Variants in SNRPN observed in about 807,000 individuals in gnomAD.
SNRPN encodes the protein small nuclear ribonucleoprotein polypeptide N.
A neutral mutation model predicts 25.2 loss-of-function variants in SNRPN; 7 were observed. The ratio of observed to expected loss-of-function variants is 0.28; its 90% CI spans 0.16 to 0.52. The LOEUF (loss-of-function observed/expected upper bound fraction) is 0.52. Ranked by LOEUF, SNRPN falls within the 20% of genes least tolerant of loss-of-function variation. The probability of loss-of-function intolerance (pLI) is 0.96; values close to 1 mark genes in which losing one functional copy is unlikely to be tolerated. For missense variants in SNRPN, 196 were observed against 322.5 expected, an observed-to-expected ratio of 0.61 and a Z score of 3.00; for synonymous variants, 124 against 110.6, an observed-to-expected ratio of 1.12 and a Z score of -0.76.
chr15:24,867,520 G>T lies in SNRPN; in HGVS notation c.-579+10804G>T, dbSNP rs370522411. On this transcript the variant is annotated intron_variant, in intron 1 of 11. Coordinates refer to the SNRPN transcript ENST00000400097. ...CTCCCGAGTAGCTGGGACTACAGGC[G>T]CCCGCCACCACGCTCAGCTAATTTT... 5.7e-4 allele frequency among the ~76,000 whole-genome samples: 87 copies of T among 151,890 alleles called. No individual in the cohort carries two copies. The East Asian group carries it at 0.016, about 29-fold the overall frequency.
intron 1 of SNRPN, among the ~76,000 whole-genome samples, chr15:24,870,322 C>G (rs991060545): frequency 2.6e-5 from 4 of 152,024 alleles, no homozygotes; most frequent in Non-Finnish European, 5.9e-5. Context: ...AGTCAGCTGA[C>G]AAAACAATGA....
intron 2 of SNRPN, among the ~76,000 whole-genome samples, chr15:24,843,804 C>CACAT (rs1188331496): frequency 6.6e-6 from 1 of 150,620 alleles, no homozygotes; most frequent in Non-Finnish European, 1.5e-5. Flanking sequence ...CACACACACA[C>CACAT]ACACACACAC....
At chr15:24,966,742 T>C (rs1277202235) in intron 2 of SNRPN, among the ~76,000 whole-genome samples, 4 of 152,198 alleles carry the variant, frequency 2.6e-5, no homozygotes, top group African/African-American at 7.2e-5. Flanking sequence ...TTCTTTATTA[T>C]ACAGAAGCAA....
chr15:24,918,420 G>GCA (rs370058987), intron 2 of SNRPN, among the ~76,000 whole-genome samples: 1,694 of 36,614 alleles, frequency 0.046, 110 homozygotes, highest in Middle Eastern at 0.065. Context: ...ATATATATGT[G>GCA]TATATATAAC....
chr15:24,956,716 A>C (rs938045244), intron 1 of SNRPN, among the ~76,000 whole-genome samples: 1 of 152,054 alleles, frequency 6.6e-6, no homozygotes, highest in African/African-American at 2.4e-5. Flanking sequence ...GAGGAGGGAG[A>C]TGGGTTGGCG....
At chr15:24,887,984 G>A (rs931872634) in intron 2 of SNRPN, among the ~76,000 whole-genome samples, 4 of 152,014 alleles carry the variant, frequency 2.6e-5, no homozygotes, top group African/African-American at 9.7e-5. Context: ...TCCTAACAAT[G>A]TAAAAAGTAT....
intron 1 of SNRPN, among the ~76,000 whole-genome samples, chr15:24,879,796 G>A (rs904992796): frequency 9.9e-5 from 15 of 152,150 alleles, no homozygotes; most frequent in African/African-American, 3.4e-4. Flanking sequence ...TGCTACAATG[G>A]CAGTAGTTGC....
At chr15:24,957,874 C>CT (rs2063182387) in intron 1 of SNRPN, among the ~76,000 whole-genome samples, 1 of 152,114 alleles carries the variant, frequency 6.6e-6, no homozygotes, top group Non-Finnish European at 1.5e-5. Flanking sequence ...GCCCGGGATC[C>CT]TAATATGGCA....
chr15:24,904,920 G>T (rs2058697372), intron 2 of SNRPN, among the ~76,000 whole-genome samples: 2 of 145,252 alleles, frequency 1.4e-5, no homozygotes, highest in African/African-American at 5.1e-5. Flanking sequence ...TCCAGCCTGG[G>T]CAACAGGGCA....
intron 2 of SNRPN, among the ~76,000 whole-genome samples, chr15:24,890,452 G>A (rs1313150144): frequency 2.0e-5 from 3 of 152,102 alleles, no homozygotes; most frequent in East Asian, 1.9e-4. Context: ...TGAGGCGGGT[G>A]GATCACGAGG....
intron 2 of SNRPN, among the ~76,000 whole-genome samples, chr15:24,832,172 C>T (rs1002169405): frequency 1.6e-4 from 24 of 151,512 alleles, no homozygotes; most frequent in Admixed American, 9.2e-4. Context: ...TAACTTTTGT[C>T]TTTTAAAATA....
intron 1 of SNRPN, among the ~76,000 whole-genome samples, chr15:24,864,228 C>G (rs1595535871): frequency 7.1e-6 from 1 of 140,148 alleles, no homozygotes; most frequent in East Asian, 2.1e-4. Context: ...CGGGGTTTCA[C>G]CATGTTAGCC....
chr15:24,890,620 A>G (rs562652049), intron 2 of SNRPN, among the ~76,000 whole-genome samples: 23 of 151,750 alleles, frequency 1.5e-4, no homozygotes, highest in Admixed American at 2.6e-4. Context: ...TGGAGGTTGC[A>G]GTGAGCCGAG....
In SNRPN at chr15:24,833,610, G is replaced by A. The variant is rs147555511; in HGVS notation, c.-579+3705G>A. On this transcript the variant is annotated intron_variant, in intron 2 of 12. Coordinates refer to the SNRPN transcript ENST00000400100. The stretch of plus-strand genomic sequence containing the variant: ...AATGATGACCCAGTGAGGTACACAC[G>A]TTTATATATCTGTTTTCATAGAGGA... Among the ~76,000 whole-genome samples the A allele has an allele frequency of 2.0e-5, 3 of 152,102 alleles. No homozygotes were observed. The East Asian group carries it at 5.8e-4, about 29-fold the overall frequency.
At chr15:24,916,176 A>G (rs4906696) in intron 2 of SNRPN, among the ~76,000 whole-genome samples, 111,932 of 151,896 alleles carry the variant, frequency 0.74, 41,311 homozygotes, top group South Asian at 0.84. Flanking sequence ...GGGCCGGGCT[A>G]GTCTTGAACT....
At chr15:24,885,070 T>C (rs1001748228) in intron 1 of SNRPN, among the ~76,000 whole-genome samples, 3 of 152,232 alleles carry the variant, frequency 2.0e-5, no homozygotes, top group Non-Finnish European at 4.4e-5. Context: ...CAAAATTTAC[T>C]ATTCTGTTGA....
chr15:24,876,905 A>G (rs982224492), intron 1 of SNRPN, among the ~76,000 whole-genome samples: 1 of 152,208 alleles, frequency 6.6e-6, no homozygotes, highest in Admixed American at 6.5e-5. Context: ...GAAGGAAGCT[A>G]GAAATATATA....
intron 2 of SNRPN, among the ~76,000 whole-genome samples, chr15:24,911,653 CAGCTGTGAAGGCATG>C (rs2152182020): frequency 6.6e-6 from 1 of 152,352 alleles, no homozygotes; most frequent in East Asian, 1.9e-4. Flanking sequence ...GCTAAATCCA[CAGCTGTGAAGGCATG>C]GCTTTCTCCA....
intron 2 of SNRPN, chr15:24,850,817 AGG>A (rs2052752133): frequency 6.6e-6 from 1 of 152,246 alleles, no homozygotes; most frequent in Non-Finnish European, 1.5e-5. Flanking sequence ...TAAAAGCAAA[AGG>A]GAGCAAAAGA....
Sources: gnomAD v4.1 joint callset for allele counts (sites outside exome capture counted in the v4.1 genomes callset) on GRCh38, gnomAD v4.1.1 for gene constraint, MANE v1.5 for transcripts, NCBI Gene and HGNC (gene_info 2026-07-23, HGNC 2026-07-21) for gene names.